EYS: variants seen among roughly 807,000 people sequenced by gnomAD.
EYS encodes the protein EGF-like photoreceptor maintenance factor, also known as protein eyes shut homolog.
A neutral mutation model predicts 282.1 loss-of-function variants in EYS; 250 were observed. That is an observed-to-expected ratio of 0.89 (90% CI 0.80 to 0.98). The LOEUF is 0.98. EYS is among the 50% of genes least tolerant of loss of function. EYS has a pLI of 0.00. For missense variants in EYS, 4,016 were observed against 3,709.0 expected (o/e 1.08, Z -2.15); for synonymous variants, 1,355 against 1,282.9 (o/e 1.06, Z -1.20).
At chr6:64,916,450 A>C (rs1442391135) in intron 15 of EYS, among the ~76,000 whole-genome samples, 1 of 152,192 alleles carries the variant, frequency 6.6e-6, no homozygotes, top group Non-Finnish European at 1.5e-5. Flanking sequence ...TTTTATAGAA[A>C]ATAAAGTTCC....
intron 15 of EYS, among the ~76,000 whole-genome samples, chr6:64,927,959 G>C (rs981376306): frequency 6.6e-6 from 1 of 152,034 alleles, no homozygotes; most frequent in Non-Finnish European, 1.5e-5. Context: ...TAAGAGGGTG[G>C]AAATGAACTG....
chr6:65,043,263 G>A (rs908118382), intron 13 of EYS, among the ~76,000 whole-genome samples: 2 of 151,464 alleles, frequency 1.3e-5, no homozygotes, highest in African/African-American at 2.4e-5. Flanking sequence ...TGTAGTAAGT[G>A]TTTAAAGCAA....
At chr6:64,358,052 A>C (rs1771886506) in intron 29 of EYS, among the ~76,000 whole-genome samples, 1 of 151,588 alleles carries the variant, frequency 6.6e-6, no homozygotes, top group Non-Finnish European at 1.5e-5. Flanking sequence ...ACTAAAATGG[A>C]TATGTCTCCT....
intron 2 of EYS, among the ~76,000 whole-genome samples, chr6:65,508,817 G>T (rs1262252936): frequency 6.6e-6 from 1 of 152,094 alleles, no homozygotes; most frequent in African/African-American, 2.4e-5. Context: ...TGGAGAGTAG[G>T]CCTTTGTTAG....
At position 63,720,971 on chromosome 6, in the gene EYS, T is replaced by C. The variant is rs898622662; in HGVS notation, c.9060A>G (p.Ile3020Met). 4 of 1,551,306 alleles carry C rather than the reference T, an allele frequency of 2.6e-6. No individual in the cohort carries two copies. The highest frequency in any genetic ancestry group is 3.5e-6 in the Non-Finnish European group (4 of 1,146,808). Residue 3020 changes from isoleucine to methionine, a missense_variant, in exon 43 of 43, where the codon ATA (isoleucine) becomes ATG (methionine). Coordinates refer to ENST00000503581, the MANE Select transcript of EYS (RefSeq NM_001142800.2). ...AGATTCTTTCTCCCAAGTTAACTGC[T>C]ATTTTCAAGGTCTGATTATGGAGAC... The part of the protein sequence containing the change: ...AIGLHNQTLK[I>M]AVNLGERISV...
intron 26 of EYS, among the ~76,000 whole-genome samples, chr6:64,494,803 G>T (rs1300844314): frequency 6.6e-6 from 1 of 151,678 alleles, no homozygotes; most frequent in Non-Finnish European, 1.5e-5. Flanking sequence ...ATGAAATACA[G>T]TTTCTTACAG....
intron 5 of EYS, among the ~76,000 whole-genome samples, chr6:65,459,968 T>TTTTATATATA (rs1477968765): frequency 3.7e-5 from 3 of 80,672 alleles, no homozygotes; most frequent in Non-Finnish European, 7.8e-5. Context: ...TTTGTGTATT[T>TTTTATATATA]TATATATATA....
rs116126782 is a variant in EYS at position 63,935,303 on chromosome 6, G to A, written c.7055+49080C>T. Among the ~76,000 whole-genome samples the A allele has an allele frequency of 5.2e-3, 787 of 152,296 alleles. 3 individuals carry two copies. The highest frequency in any genetic ancestry group is 0.017 in the African/African-American group (696 of 41,562). On this transcript the variant is annotated intron_variant, in intron 35 of 42. Coordinates refer to ENST00000503581, the MANE Select transcript of EYS (RefSeq NM_001142800.2). Reference sequence around the variant, plus strand: ...TTAGACGAATGAATAAATGAATGACGAGTTATTGTCCTTACTTTCTGCTTT... The same window carrying A: ...TTAGACGAATGAATAAATGAATGACAAGTTATTGTCCTTACTTTCTGCTTT...
intron 18 of EYS, among the ~76,000 whole-genome samples, chr6:64,889,391 A>C (rs1767205989): frequency 6.6e-6 from 1 of 151,976 alleles, no homozygotes; most frequent in Non-Finnish European, 1.5e-5. Context: ...AAGATACATG[A>C]AAGGATTCAG....
At chr6:64,913,485 A>T (rs1039030619) in intron 15 of EYS, among the ~76,000 whole-genome samples, 2 of 152,002 alleles carry the variant, frequency 1.3e-5, no homozygotes, top group Non-Finnish European at 2.9e-5. Context: ...TTTAGCTTCC[A>T]CTTGCAAGTG....
intron 5 of EYS, among the ~76,000 whole-genome samples, chr6:65,447,332 G>GTGTA (rs1554197704): frequency 5.0e-5 from 7 of 140,242 alleles, no homozygotes; most frequent in African/African-American, 1.8e-4. Context: ...ATATGTGTGT[G>GTGTA]TATATATATA....
chr6:64,098,591 T>TTTTC (rs1772715098), intron 31 of EYS, among the ~76,000 whole-genome samples: 1 of 151,278 alleles, frequency 6.6e-6, no homozygotes, highest in Non-Finnish European at 1.5e-5. Flanking sequence ...GTTAGTAATG[T>TTTTC]TTTCTTTCTT....
chr6:65,648,844 C>T (rs1461783040), intron 1 of EYS, among the ~76,000 whole-genome samples: 5 of 151,908 alleles, frequency 3.3e-5, no homozygotes, highest in African/African-American at 9.7e-5. Context: ...AGAAAGGGAA[C>T]AAAAGATTTT....
At chr6:64,634,163 T>C (rs1767888537) in intron 22 of EYS, among the ~76,000 whole-genome samples, 2 of 152,178 alleles carry the variant, frequency 1.3e-5, no homozygotes, top group African/African-American at 4.8e-5. Context: ...TTTGTATTTT[T>C]AGTAAACACA....
intron 35 of EYS, among the ~76,000 whole-genome samples, chr6:63,888,752 C>T (rs746989697): frequency 7.9e-5 from 12 of 152,190 alleles, no homozygotes; most frequent in Non-Finnish European, 1.0e-4. Context: ...ATCACAACTT[C>T]GTGTAAGCAA....
chr6:64,240,437 G>A (rs4263567), intron 30 of EYS, among the ~76,000 whole-genome samples: 47,495 of 151,984 alleles, frequency 0.31, 7,432 homozygotes, highest in East Asian at 0.51. Flanking sequence ...CTTGAGCAGT[G>A]GTTTGTAGTT....
At position 65,495,862 on chromosome 6, in the gene EYS, G is replaced by A. The variant is rs555933041; in HGVS notation, c.-201C>T. The A allele has an allele frequency of 3.5e-5, 6 of 171,592 alleles. No homozygotes were observed. The highest frequency in any genetic ancestry group is 1.3e-4 in the South Asian group (1 of 7,426). The allele number at this position is 171,592 out of a possible 1,614,324, so 10.6% of individuals were successfully genotyped here. ...CATAATTAAGCCAGCAACTTACTGC[G>A]GTCTTTTGTGTTTTCTCTTTACACC... On this transcript the variant is annotated 5_prime_UTR_variant, in exon 3 of 43. Coordinates refer to ENST00000503581, the MANE Select transcript of EYS (RefSeq NM_001142800.2).
At chr6:63,780,779 T>A (rs1770201826) in intron 39 of EYS, among the ~76,000 whole-genome samples, 1 of 152,200 alleles carries the variant, frequency 6.6e-6, no homozygotes, top group African/African-American at 2.4e-5. Context: ...AATTTTGGCT[T>A]TTGTTGCCAT....
Position 64,499,553 on chromosome 6 carries a change from T to A in EYS, c.5645-60201A>T, listed in dbSNP as rs561953307. ...GTGAGACTTTTGCACTGTTTTAGTG[T>A]GTCCTGGCTTAATTATTTTTTTATT... On this transcript the variant is annotated intron_variant, in intron 26 of 42. Coordinates refer to ENST00000503581, the MANE Select transcript of EYS (RefSeq NM_001142800.2). 3.3e-5 allele frequency among the ~76,000 whole-genome samples: 5 copies of A among 152,260 alleles called. No homozygotes were observed. In the East Asian group the frequency reaches 9.7e-4, roughly 30 times the overall value.
Sources: gnomAD v4.1 joint callset for allele counts (sites outside exome capture counted in the v4.1 genomes callset) on GRCh38, gnomAD v4.1.1 for gene constraint, MANE v1.5 for transcripts, NCBI Gene and HGNC (gene_info 2026-07-23, HGNC 2026-07-21) for gene names.